The following PDE1C variants were observed in gnomAD, a reference collection of about 807,000 sequenced individuals.
PDE1C encodes the protein phosphodiesterase 1C.
A neutral mutation model predicts 93.1 loss-of-function variants in PDE1C; 62 were observed. That is an observed-to-expected ratio of 0.67 (90% CI 0.54 to 0.82). The LOEUF (loss-of-function observed/expected upper bound fraction) is 0.82. PDE1C is among the 40% of genes least tolerant of loss of function. PDE1C has a pLI of 0.00. For missense variants in PDE1C, 742 were observed against 884.6 expected, an observed-to-expected ratio of 0.84 and a Z score of 2.04; for synonymous variants, 325 against 310.1, an observed-to-expected ratio of 1.05 and a Z score of -0.50.
chr7:31,823,196 C>G lies in PDE1C; in HGVS notation c.1459G>C (p.Gly487Arg). ...TTGATCGGGGCACTTCCCTCTGAAC[C>G]AGAGGTCTTGACACCTGATCGCTTG... The part of the protein sequence containing the change: ...DAKRSGVKTS[G>R]SEGSAPINNS... The change falls in exon 14 of 18, where the codon GGT (glycine) becomes CGT (arginine). Residue 487 changes from glycine to arginine, a missense_variant. Coordinates refer to ENST00000396191, the MANE Select transcript of PDE1C (RefSeq NM_001191057.4). 2 of 1,613,140 alleles carry G rather than the reference C, an allele frequency of 1.2e-6. No individual in the cohort carries two copies. Among genetic ancestry groups the G allele is most frequent in the South Asian group, 1.1e-5 (1 of 90,978 alleles).
intron 3 of PDE1C, among the ~76,000 whole-genome samples, chr7:32,156,424 C>G (rs1801580395): frequency 6.6e-6 from 1 of 152,172 alleles, no homozygotes; most frequent in African/African-American, 2.4e-5. Context: ...TTCACATCAC[C>G]AGCAGGACAG....
At chr7:32,259,872 CAAA>C (rs1810076551) in intron 1 of PDE1C, among the ~76,000 whole-genome samples, 1 of 152,182 alleles carries the variant, frequency 6.6e-6, no homozygotes, top group Non-Finnish European at 1.5e-5. Flanking sequence ...ATTCACTTCT[CAAA>C]ACCTCCAGCT....
intron 1 of PDE1C, among the ~76,000 whole-genome samples, chr7:32,381,493 C>T (rs1229316810): frequency 1.3e-5 from 2 of 152,060 alleles, no homozygotes; most frequent in Non-Finnish European, 2.9e-5. Flanking sequence ...TGTGCTCTAA[C>T]CCCTCCTCTC....
chr7:32,291,904 G>A (rs143905760), intron 1 of PDE1C, among the ~76,000 whole-genome samples: 181 of 152,238 alleles, frequency 1.2e-3, no homozygotes, highest in African/African-American at 3.9e-3. Context: ...TGACTTACCC[G>A]GGATCAAAGA....
At chr7:31,701,073 C>G in the PDE1C span, among the ~76,000 whole-genome samples, 1 of 152,144 alleles carries the variant, frequency 6.6e-6, no homozygotes, top group Non-Finnish European at 1.5e-5. Context: ...AGTCTTGTTA[C>G]TTAAGAAATA....
intron 1 of PDE1C, among the ~76,000 whole-genome samples, chr7:32,375,400 G>A (rs1004103930): frequency 1.3e-5 from 2 of 152,166 alleles, no homozygotes; most frequent in Admixed American, 6.5e-5. Context: ...CCCCCACCAA[G>A]GCATGATATA....
intron 2 of PDE1C, among the ~76,000 whole-genome samples, chr7:32,023,731 C>G (rs1789027362): frequency 6.6e-6 from 1 of 151,658 alleles, no homozygotes; most frequent in African/African-American, 2.4e-5. Context: ...AGATAAAGAA[C>G]AGAGTAACAG....
At chr7:32,044,919 G>A (rs1017369542) in intron 2 of PDE1C, among the ~76,000 whole-genome samples, 3 of 152,032 alleles carry the variant, frequency 2.0e-5, no homozygotes, top group African/African-American at 7.2e-5. Flanking sequence ...CTGGTGTCTA[G>A]ATACACTACC....
intron 2 of PDE1C, among the ~76,000 whole-genome samples, chr7:32,000,319 G>A (rs573307069): frequency 3.7e-4 from 56 of 152,268 alleles, no homozygotes; most frequent in African/African-American, 1.3e-3. Flanking sequence ...CTGGCGCATA[G>A]TGAGAACTCA....
intron 1 of PDE1C, among the ~76,000 whole-genome samples, chr7:32,318,062 G>A (rs896813799): frequency 6.6e-6 from 1 of 152,160 alleles, no homozygotes; most frequent in African/African-American, 2.4e-5. Flanking sequence ...GACTGCCCAC[G>A]TTATTTCCAA....
At chr7:31,963,295 T>C (rs1237433543) in intron 2 of PDE1C, among the ~76,000 whole-genome samples, 1 of 152,220 alleles carries the variant, frequency 6.6e-6, no homozygotes, top group Non-Finnish European at 1.5e-5. Flanking sequence ...CCAAACGTTA[T>C]GCTGAAACAC....
intron 1 of PDE1C, among the ~76,000 whole-genome samples, chr7:32,061,618 G>T (rs987171888): frequency 2.6e-5 from 4 of 152,222 alleles, no homozygotes; most frequent in African/African-American, 7.2e-5. Context: ...CCTCCCAGAA[G>T]GTCCGTGATG....
intron 1 of PDE1C, among the ~76,000 whole-genome samples, chr7:32,359,002 G>A (rs1369199495): frequency 6.6e-6 from 1 of 151,952 alleles, no homozygotes; most frequent in African/African-American, 2.4e-5. Context: ...TGTCCTTGCT[G>A]GGCCTGCATC....
intron 1 of PDE1C, among the ~76,000 whole-genome samples, chr7:32,411,597 G>A (rs1290962322): frequency 6.6e-6 from 1 of 152,160 alleles, no homozygotes; most frequent in Non-Finnish European, 1.5e-5. Flanking sequence ...GTGAGTGAAT[G>A]GGGAGTGAAT....
intron 3 of PDE1C, among the ~76,000 whole-genome samples, chr7:32,145,126 G>A (rs796525529): frequency 2.6e-5 from 4 of 152,320 alleles, no homozygotes; most frequent in African/African-American, 9.6e-5. Context: ...GGTAGAATCT[G>A]TTATAAGAAG....
chr7:31,927,176 C>A (rs2128971217), intron 2 of PDE1C, among the ~76,000 whole-genome samples: 1 of 148,242 alleles, frequency 6.7e-6, no homozygotes, highest in South Asian at 2.1e-4. Flanking sequence ...AAACCCCTCA[C>A]AGTGTTAACT....
At chr7:31,787,299 G>C (rs141377746) in intron 16 of PDE1C, 1 of 152,074 alleles carries the variant, frequency 6.6e-6, no homozygotes, top group African/African-American at 2.4e-5. Context: ...AAATGTTTTC[G>C]GTAGTTTATA....
chr7:31,905,997 C>G (rs974348162), intron 2 of PDE1C, among the ~76,000 whole-genome samples: 3 of 152,156 alleles, frequency 2.0e-5, no homozygotes, highest in Admixed American at 2.0e-4. Context: ...TCCCCTTCCC[C>G]CATGATTGTA....
intron 1 of PDE1C, among the ~76,000 whole-genome samples, chr7:32,403,077 C>T (rs989378142): frequency 1.3e-5 from 2 of 152,174 alleles, no homozygotes; most frequent in African/African-American, 2.4e-5. Flanking sequence ...GTTAATGAGT[C>T]CCAGCTTTTA....
Sources: allele counts gnomAD v4.1 joint callset (sites outside exome capture counted in the v4.1 genomes callset), GRCh38; gene constraint gnomAD v4.1.1; transcripts MANE v1.5; gene names NCBI Gene and HGNC (gene_info 2026-07-23, HGNC 2026-07-21).